HTR3B: variants seen among roughly 807,000 people sequenced by gnomAD.
HTR3B encodes 5-hydroxytryptamine receptor 3B.
Under a neutral mutation model 42.8 loss-of-function variants are expected in HTR3B, and 44 were observed. That is an observed-to-expected ratio of 1.03 (90% confidence interval 0.81 to 1.32). The LOEUF is 1.32. Among genes scored for constraint, HTR3B ranks in the 40% most tolerant of loss-of-function variants. The pLI is 0.00. For synonymous variants in HTR3B, 203 were observed against 209.0 expected (o/e 0.97, Z 0.25); for missense variants, 527 against 536.5 (o/e 0.98, Z 0.17).
intron 2 of HTR3B, among the ~76,000 whole-genome samples, chr11:113,920,151 C>T (rs1477986883): frequency 6.6e-6 from 1 of 151,630 alleles, no homozygotes; most frequent in Non-Finnish European, 1.5e-5. Context: ...GCCTCAGCCT[C>T]CCGAGTAGCT....
chr11:113,921,318 G>A (rs908066819), intron 2 of HTR3B, among the ~76,000 whole-genome samples: 1 of 150,886 alleles, frequency 6.6e-6, no homozygotes, highest in Admixed American at 6.6e-5. Flanking sequence ...GCTAATTTTT[G>A]TACTTTTAGT....
At chr11:113,923,361 C>G (rs369901150) in intron 2 of HTR3B, among the ~76,000 whole-genome samples, 1 of 152,318 alleles carries the variant, frequency 6.6e-6, no homozygotes, top group Non-Finnish European at 1.5e-5. Flanking sequence ...ACAGTCTTGT[C>G]TTAGAATTTC....
intron 2 of HTR3B, among the ~76,000 whole-genome samples, chr11:113,928,766 AC>A (rs1950001874): frequency 6.6e-6 from 1 of 152,088 alleles, no homozygotes; most frequent in African/African-American, 2.4e-5. Context: ...CAAACTCCTG[AC>A]CTCAAGTGAT....
chr11:113,911,524 C>T (rs887331394), intron 2 of HTR3B, among the ~76,000 whole-genome samples: 9 of 151,274 alleles, frequency 5.9e-5, no homozygotes, highest in South Asian at 2.1e-4. Context: ...GCCACCACAC[C>T]CGGCTATTTA....
intron 2 of HTR3B, among the ~76,000 whole-genome samples, chr11:113,925,131 C>T (rs1464413904): frequency 1.3e-5 from 2 of 152,162 alleles, no homozygotes; most frequent in Non-Finnish European, 2.9e-5. Context: ...CCAGTGGTGC[C>T]TTCTGACCCC....
At chr11:113,943,229 A>G in intron 7 of HTR3B, 37 bp downstream of exon 7, 3 of 1,502,716 alleles carry the variant, frequency 2.0e-6, no homozygotes, top group Non-Finnish European at 2.8e-6. Context: ...CTCATCTTAC[A>G]TGACCCCTGT....
chr11:113,945,043 G>A (rs942603374), intron 8 of HTR3B, among the ~76,000 whole-genome samples: 4 of 152,064 alleles, frequency 2.6e-5, no homozygotes, highest in African/African-American at 4.8e-5. Flanking sequence ...AGGCTCAGGC[G>A]ATCTTCCCTC....
chr11:113,903,461 CCTCT>C (rs1949710188), upstream of HTR3B, among the ~76,000 whole-genome samples: 1 of 147,454 alleles, frequency 6.8e-6, no homozygotes, highest in African/African-American at 2.5e-5. Context: ...GCGGAGTCTC[CCTCT>C]GTCTCCCAGG....
chr11:113,941,502 C>T (rs182063120), intron 6 of HTR3B, among the ~76,000 whole-genome samples: 17 of 152,318 alleles, frequency 1.1e-4, no homozygotes, highest in Non-Finnish European at 1.6e-4. Flanking sequence ...TTCCAAGCTA[C>T]AAGAGCAGCT....
chr11:113,921,400 T>C (rs1949911019), intron 2 of HTR3B, among the ~76,000 whole-genome samples: 2 of 152,046 alleles, frequency 1.3e-5, no homozygotes, highest in Admixed American at 1.3e-4. Context: ...CGCCTCAGCC[T>C]CCCAAAGTGC....
intron 2 of HTR3B, among the ~76,000 whole-genome samples, 159 bp from the exon 3 acceptor site, chr11:113,931,225 C>G (rs1950031587): frequency 1.3e-5 from 2 of 152,192 alleles, no homozygotes; most frequent in Middle Eastern, 6.8e-3. Flanking sequence ...TAAGTAAGAA[C>G]TGAGAATGCC....
In HTR3B at chr11:113,905,000, T is replaced by C; in HGVS notation, c.52+15T>C. ...GGTGGCTGCAGGTGAGTCCTTTTAA[T>C]AATTTTACTAGGCATTAAGGATTAA... On this transcript the variant is annotated intron_variant, in intron 1 of 8. Transcript: ENST00000260191. 9 of 1,577,870 alleles carry C rather than the reference T, an allele frequency of 5.7e-6. No homozygotes were observed. The highest frequency in any genetic ancestry group is 7.8e-6 in the Non-Finnish European group (9 of 1,147,354).
chr11:113,910,684 T>A (rs914957194), intron 2 of HTR3B, among the ~76,000 whole-genome samples: 3 of 151,752 alleles, frequency 2.0e-5, no homozygotes, highest in African/African-American at 7.3e-5. Context: ...AAGTGATCCA[T>A]CTGCCTCGGC....
upstream of HTR3B, among the ~76,000 whole-genome samples, chr11:113,900,645 C>T (rs941033232): frequency 4.6e-5 from 7 of 152,106 alleles, no homozygotes; most frequent in African/African-American, 1.7e-4. Flanking sequence ...AGGCATGGGC[C>T]ACCATGCCCA....
intron 2 of HTR3B, among the ~76,000 whole-genome samples, chr11:113,913,495 G>A (rs1949819189): frequency 6.7e-6 from 1 of 148,334 alleles, no homozygotes; most frequent in Non-Finnish European, 1.5e-5. Context: ...ACGGGTGTGA[G>A]CCACCATGCT....
In HTR3B at chr11:113,946,128, C is replaced by A; in HGVS notation, c.1317C>A (p.Gly439=). 1 of 1,611,238 alleles carries A rather than the reference C, an allele frequency of 6.2e-7. No homozygotes were observed. Among genetic ancestry groups the A allele is most frequent in the Non-Finnish European group, 8.5e-7 (1 of 1,177,716 alleles). The change falls in exon 9 of 9, where the codon GGC becomes GGA. Residue 439 remains glycine (G), a synonymous_variant. Transcript: ENST00000260191. The stretch of plus-strand genomic sequence containing the variant: ...TGTGCTCCCTCTGGGCACTGTGGGG[C>A]GGCGTGTGAAGACTGAAGTGTTCTT... ...ITLCSLWALW[G]GV
chr11:113,909,594 A>C (rs1010811539), intron 2 of HTR3B, 139 bp downstream of exon 2: 2 of 696,842 alleles, frequency 2.9e-6, no homozygotes, highest in Admixed American at 6.0e-5. Context: ...TCATTTTAGC[A>C]GTTAGGTAAA....
chr11:113,932,854 A>T, intron 5 of HTR3B, 82 bp from the exon 6 acceptor site: 1 of 1,408,126 alleles, frequency 7.1e-7, no homozygotes, highest in Non-Finnish European at 9.9e-7. Context: ...ACGAGGAAGG[A>T]TTCGAATTGG....
intron 6 of HTR3B, among the ~76,000 whole-genome samples, chr11:113,936,653 G>A (rs1319600675): frequency 2.6e-5 from 4 of 152,150 alleles, no homozygotes; most frequent in Admixed American, 1.3e-4. Flanking sequence ...AATCCAGAGC[G>A]ACCCATAGTC....
Sources: allele counts gnomAD v4.1 joint callset (sites outside exome capture counted in the v4.1 genomes callset), GRCh38; gene constraint gnomAD v4.1.1; transcripts MANE v1.5; gene names NCBI Gene and HGNC (gene_info 2026-07-23, HGNC 2026-07-21).